Variants in COBLL1 observed in about 807,000 individuals in gnomAD.
COBLL1 encodes the protein cordon-bleu WH2 repeat protein like 1.
A neutral mutation model predicts 94.8 loss-of-function variants in COBLL1; 50 were observed. That is an observed-to-expected ratio of 0.53 (90% confidence interval 0.42 to 0.67). The LOEUF (loss-of-function observed/expected upper bound fraction) is 0.67. Ranked by LOEUF, COBLL1 falls within the 30% of genes least tolerant of loss-of-function variation. COBLL1 has a pLI of 0.00. For missense variants in COBLL1, 1,362 were observed against 1,348.7 expected, an observed-to-expected ratio of 1.01 and a Z score of -0.15; for synonymous variants, 448 against 473.8, an observed-to-expected ratio of 0.95 and a Z score of 0.71.
intron 13 of COBLL1, among the ~76,000 whole-genome samples, chr2:164,691,053 A>G (rs1232987299): frequency 6.6e-6 from 1 of 152,154 alleles, no homozygotes; most frequent in Non-Finnish European, 1.5e-5. Flanking sequence ...ACAAAATTCA[A>G]ATCTAATCCA....
chr2:164,795,499 TACTCCC>T (rs1683400728), intron 2 of COBLL1, among the ~76,000 whole-genome samples: 1 of 152,200 alleles, frequency 6.6e-6, no homozygotes, highest in African/African-American at 2.4e-5. Context: ...AAATTTTTCT[TACTCCC>T]AGAGTATCTA....
At chr2:164,767,656 C>G (rs1432340651) in intron 2 of COBLL1, among the ~76,000 whole-genome samples, 1 of 152,084 alleles carries the variant, frequency 6.6e-6, no homozygotes, top group Non-Finnish European at 1.5e-5. Context: ...AAATAATTTA[C>G]ATGTAAATTC....
chr2:164,826,064 A>G (rs2105371548), intron 2 of COBLL1, among the ~76,000 whole-genome samples: 1 of 152,316 alleles, frequency 6.6e-6, no homozygotes, highest in Non-Finnish European at 1.5e-5. Context: ...TACCATAGAA[A>G]ATTTTCAGTC....
At chr2:164,737,454 A>G (rs1383159848) in intron 3 of COBLL1, among the ~76,000 whole-genome samples, 1 of 152,182 alleles carries the variant, frequency 6.6e-6, no homozygotes, top group Non-Finnish European at 1.5e-5. Context: ...CTCAAGTAGT[A>G]CTGTTATGTC....
At position 164,727,960 on chromosome 2, in the gene COBLL1, C is replaced by T. The variant is rs1685795731; in HGVS notation, c.661+9G>A. 1 of 1,543,426 alleles carries T rather than the reference C, an allele frequency of 6.5e-7. No homozygotes were observed. The highest frequency in any genetic ancestry group is 1.4e-5 in the African/African-American group (1 of 73,070). On this transcript the variant is annotated intron_variant, in intron 5 of 13. Transcript: ENST00000652658. Reference sequence around the variant, plus strand: ...CCCACTAAATAAATAAAATAAAAGTCTTACTTACCTCTGTTGACATCCATC... The same window carrying T: ...CCCACTAAATAAATAAAATAAAAGTTTTACTTACCTCTGTTGACATCCATC...
At chr2:164,711,036 C>T (rs887481361) in intron 7 of COBLL1, among the ~76,000 whole-genome samples, 3 of 152,224 alleles carry the variant, frequency 2.0e-5, no homozygotes, top group Middle Eastern at 3.4e-3. Flanking sequence ...TAGAAGGCGA[C>T]CCACTACAAT....
intron 2 of COBLL1, among the ~76,000 whole-genome samples, chr2:164,775,257 C>T (rs1411484448): frequency 2.0e-5 from 3 of 152,124 alleles, no homozygotes; most frequent in Non-Finnish European, 2.9e-5. Context: ...CCACACTGTC[C>T]TATATCTTCA....
intron 2 of COBLL1, among the ~76,000 whole-genome samples, chr2:164,833,804 T>C (rs528602971): frequency 6.6e-6 from 1 of 152,300 alleles, no homozygotes; most frequent in South Asian, 2.1e-4. Flanking sequence ...ACTCCACAGA[T>C]TTCTTACATC....
At chr2:164,818,613 A>G (rs564979664) in intron 2 of COBLL1, among the ~76,000 whole-genome samples, 177 of 144,850 alleles carry the variant, frequency 1.2e-3, no homozygotes, top group Middle Eastern at 3.7e-3. Flanking sequence ...ATGTGTACAT[A>G]TGTACACATA....
intron 7 of COBLL1, among the ~76,000 whole-genome samples, chr2:164,707,771 G>C (rs145095306): frequency 1.3e-5 from 2 of 152,260 alleles, no homozygotes; most frequent in African/African-American, 4.8e-5. Context: ...CCAGGGGCAC[G>C]TGTAAAGCTT....
chr2:164,682,403 A>G lies in COBLL1; in HGVS notation c.*3543T>C, dbSNP rs143620002. 1 of 152,324 alleles carries G rather than the reference A, an allele frequency of 6.6e-6. No individual in the cohort carries two copies. The highest frequency in any genetic ancestry group is 1.9e-4 in the East Asian group (1 of 5,180). 9.4% of individuals were successfully genotyped at this position (152,324 alleles called of 1,614,324 possible). A position where few individuals can be genotyped will look rare whatever the true frequency, so the allele number is the denominator to read the frequency against. ...ATTTTCTCTACTGGTAGTGGGTACA[A>G]AGTAAACTGGAATTAGACACATACA... On this transcript the variant is annotated 3_prime_UTR_variant, in exon 14 of 14. Transcript: ENST00000652658.
rs1685916922 is a variant in COBLL1, at chr2:164,730,085, A to G, written c.261T>C (p.Leu87=). The stretch of plus-strand genomic sequence containing the variant: ...ATGGATTTAAGTGATACTGTGCACA[A>G]AGGAATATCAACAAGTCCATCATAG... ...SKPMMDLLIF[L]CAQYHLNPSS... is the part of the protein sequence containing the mutation. Residue 87 remains leucine, a synonymous_variant, in exon 4 of 14, where the codon CTT becomes CTC. Transcript: ENST00000652658. 3 of 1,613,908 alleles carry G rather than the reference A, an allele frequency of 1.9e-6. No individual in the cohort carries two copies. The East Asian group carries it at 6.7e-5, about 36-fold the overall frequency.
intron 2 of COBLL1, among the ~76,000 whole-genome samples, chr2:164,766,750 T>C (rs1687951763): frequency 6.6e-6 from 1 of 152,210 alleles, no homozygotes. Context: ...ACTCTCTGAC[T>C]ACTCCTGCTT....
chr2:164,835,728 G>A (rs1014715836), intron 2 of COBLL1, among the ~76,000 whole-genome samples: 1 of 152,154 alleles, frequency 6.6e-6, no homozygotes, highest in Admixed American at 6.5e-5. Context: ...TCAGGACATA[G>A]TTTGCTGACC....
chr2:164,766,011 G>T (rs1166275740), intron 2 of COBLL1, among the ~76,000 whole-genome samples: 3 of 151,952 alleles, frequency 2.0e-5, no homozygotes, highest in Non-Finnish European at 2.9e-5. Flanking sequence ...CTCTATATTT[G>T]CTTTTTTTGG....
chr2:164,796,805 T>A (rs1452481705), intron 2 of COBLL1, among the ~76,000 whole-genome samples: 1 of 150,220 alleles, frequency 6.7e-6, no homozygotes, highest in East Asian at 2.0e-4. Flanking sequence ...AAGACTCTCA[T>A]CTCTACAAAA....
chr2:164,776,061 G>T lies in COBLL1; in HGVS notation c.42-32186C>A, dbSNP rs188512585. Among the ~76,000 whole-genome samples the T allele has an allele frequency of 5.2e-3, 786 of 151,688 alleles. 12 individuals are homozygous for T. Among genetic ancestry groups the T allele is most frequent in the African/African-American group, 0.018 (725 of 41,328 alleles). On this transcript the variant is annotated intron_variant, in intron 2 of 13. Transcript: ENST00000652658. ...AATCCAAAAAAGATGCTGAATTAAT[G>T]TACTTCGTCTCCACTTCAACAAACC...
chr2:164,677,439 TA>T (rs1223882945), downstream of COBLL1, among the ~76,000 whole-genome samples: 2 of 152,068 alleles, frequency 1.3e-5, no homozygotes, highest in Non-Finnish European at 2.9e-5. Context: ...GAGGAAAGTT[TA>T]AAAAAAGAAC....
intron 3 of COBLL1, among the ~76,000 whole-genome samples, chr2:164,737,582 ATT>A (rs1379691605): frequency 6.6e-6 from 1 of 151,748 alleles, no homozygotes; most frequent in Non-Finnish European, 1.5e-5. Context: ...CACCCTATAG[ATT>A]TTTGACAGTT....
Sources: allele counts gnomAD v4.1 joint callset (sites outside exome capture counted in the v4.1 genomes callset), GRCh38; gene constraint gnomAD v4.1.1; transcripts MANE v1.5; gene names NCBI Gene and HGNC (gene_info 2026-07-23, HGNC 2026-07-21).